The following ZNF804B variants were observed in gnomAD, a reference collection of about 807,000 sequenced individuals.
The protein encoded by ZNF804B is zinc finger protein 804B, also known as zinc finger 804B.
ZNF804B carries 80 observed loss-of-function variants against 101.4 expected under a neutral mutation model. The observed-to-expected ratio is 0.79, with a 90% CI of 0.66 to 0.95. ZNF804B has a LOEUF of 0.95. ZNF804B is among the 40% of genes least tolerant of loss of function. The pLI, the probability that ZNF804B is intolerant of heterozygous loss-of-function variation, is 0.00. For synonymous variants in ZNF804B, 622 were observed against 558.8 expected (o/e 1.11, Z -1.59); for missense variants, 1,673 against 1,561.9 (o/e 1.07, Z -1.20).
At chr7:89,293,809 A>G (rs955250280) in intron 2 of ZNF804B, among the ~76,000 whole-genome samples, 2 of 152,142 alleles carry the variant, frequency 1.3e-5, no homozygotes, top group African/African-American at 4.8e-5. Context: ...AAAAAAAAAA[A>G]GAATGCAGAA....
intron 1 of ZNF804B, among the ~76,000 whole-genome samples, chr7:89,109,651 A>G (rs925341706): frequency 3.9e-5 from 6 of 152,226 alleles, no homozygotes; most frequent in Middle Eastern, 3.4e-3. Context: ...TCTTCATCAC[A>G]TTGTTCTTTC....
chr7:89,143,062 G>C (rs1790740569), intron 1 of ZNF804B, among the ~76,000 whole-genome samples: 1 of 151,948 alleles, frequency 6.6e-6, no homozygotes, highest in African/African-American at 2.4e-5. Context: ...TTTGGGCTAT[G>C]TGTGAGTGAC....
intron 1 of ZNF804B, among the ~76,000 whole-genome samples, chr7:88,845,036 T>G (rs1791348140): frequency 6.6e-6 from 1 of 152,196 alleles, no homozygotes; most frequent in Admixed American, 6.5e-5. Context: ...AGTTTCCTCC[T>G]TCTTTCCAAT....
intron 2 of ZNF804B, among the ~76,000 whole-genome samples, chr7:89,281,868 A>G (rs1471556512): frequency 6.6e-6 from 1 of 152,164 alleles, no homozygotes; most frequent in East Asian, 1.9e-4. Flanking sequence ...TAATCCACTC[A>G]GACAGAGTCC....
chr7:89,042,347 C>A (rs1255873995), intron 1 of ZNF804B, among the ~76,000 whole-genome samples: 1 of 152,036 alleles, frequency 6.6e-6, no homozygotes, highest in Non-Finnish European at 1.5e-5. Flanking sequence ...ATGAAAGAAA[C>A]CAGTTTGAGG....
In ZNF804B at chr7:89,072,471, A is replaced by T. The variant is rs1196455478; in HGVS notation, c.109-145684A>T. On this transcript the variant is annotated intron_variant, in intron 1 of 3. Coordinates refer to ENST00000333190, the MANE Select transcript of ZNF804B (RefSeq NM_181646.5). ...ACTATTCTTTGAATAACTCTTAAACATTTGGATATCTGATATAGTATGAAC... is the reference window on the plus strand; with the variant it reads ...ACTATTCTTTGAATAACTCTTAAACTTTTGGATATCTGATATAGTATGAAC... Among the ~76,000 whole-genome samples the T allele has an allele frequency of 4.6e-5, 7 of 152,292 alleles. No homozygotes were observed. In the East Asian group the frequency reaches 1.2e-3, roughly 25 times the overall value.
In ZNF804B at chr7:89,049,152, C is replaced by T. The variant is rs148801848; in HGVS notation, c.109-169003C>T. 1.3e-3 allele frequency among the ~76,000 whole-genome samples: 196 copies of T among 150,346 alleles called. 6 individuals are homozygous for T. The highest frequency in any genetic ancestry group is 4.7e-3 in the African/African-American group (189 of 39,794). Reference sequence around the variant, plus strand: ...CACTTAATAATTATGTACCTTCATGCTGAGACTCCTTGACTTACCATATGT... The same window carrying T: ...CACTTAATAATTATGTACCTTCATGTTGAGACTCCTTGACTTACCATATGT... On this transcript the variant is annotated intron_variant, in intron 1 of 3. Transcript: ENST00000333190.
chr7:89,076,375 T>A (rs116622577), intron 1 of ZNF804B, among the ~76,000 whole-genome samples: 117 of 152,192 alleles, frequency 7.7e-4, no homozygotes, highest in African/African-American at 2.7e-3. Context: ...AAGGGTAGTT[T>A]CCCTACACAA....
At chr7:89,161,214 A>G (rs533325892) in intron 1 of ZNF804B, among the ~76,000 whole-genome samples, 12 of 152,160 alleles carry the variant, frequency 7.9e-5, no homozygotes, top group African/African-American at 2.9e-4. Context: ...TTAGTAGCAC[A>G]TTATGATTTC....
At position 88,965,301 on chromosome 7, in the gene ZNF804B, CTT is replaced by C. The variant is rs369397798; in HGVS notation, c.108+205220_108+205221del. 3.0e-3 allele frequency among the ~76,000 whole-genome samples: 458 copies of C among 151,414 alleles called. 3 individuals carry two copies. The highest frequency in any genetic ancestry group is 0.01 in the African/African-American group (433 of 41,430). ...AGAGAATAGGTTAAAGAGATTCTCTCTTTTGTTTCTCTCTTTGTTTTGGAAGC... is the reference window on the plus strand; with the variant it reads ...AGAGAATAGGTTAAAGAGATTCTCTCTTGTTTCTCTCTTTGTTTTGGAAGC... On this transcript the variant is annotated intron_variant, in intron 1 of 3. Transcript: ENST00000333190.
intron 1 of ZNF804B, among the ~76,000 whole-genome samples, chr7:89,052,139 T>A (rs1240872026): frequency 6.6e-6 from 1 of 152,096 alleles, no homozygotes; most frequent in Non-Finnish European, 1.5e-5. Context: ...ACTTTATTTT[T>A]TATTTTTTAT....
At chr7:89,308,944 T>C (rs1790608685) in intron 2 of ZNF804B, among the ~76,000 whole-genome samples, 1 of 152,222 alleles carries the variant, frequency 6.6e-6, no homozygotes, top group African/African-American at 2.4e-5. Context: ...AAGAAGAAAC[T>C]AATCCTAAAA....
At chr7:89,220,024 T>TATATACGCACATATATGTGTGTATATAC (rs1562920253) in intron 2 of ZNF804B, among the ~76,000 whole-genome samples, 3 of 113,506 alleles carry the variant, frequency 2.6e-5, no homozygotes, top group African/African-American at 1.0e-4. Flanking sequence ...TGTGTATACA[T>TATATACGCACATATATGTGTGTATATAC]ATATATACGC....
intron 2 of ZNF804B, among the ~76,000 whole-genome samples, chr7:89,238,347 C>G (rs1789315470): frequency 6.6e-6 from 1 of 152,110 alleles, no homozygotes; most frequent in South Asian, 2.1e-4. Context: ...ATTCATGAAA[C>G]TACTAGTTTT....
intron 1 of ZNF804B, among the ~76,000 whole-genome samples, chr7:88,802,883 C>T (rs796370803): frequency 1.1e-4 from 17 of 152,208 alleles, no homozygotes; most frequent in African/African-American, 4.1e-4. Context: ...GTGGATTTTG[C>T]AATTGCCAGT....
At chr7:88,803,438 T>C (rs968956270) in intron 1 of ZNF804B, among the ~76,000 whole-genome samples, 1 of 152,258 alleles carries the variant, frequency 6.6e-6, no homozygotes, top group East Asian at 1.9e-4. Context: ...TGCATACTAC[T>C]GAGTAAAAGG....
chr7:88,820,609 AG>A (rs1790962634), intron 1 of ZNF804B, among the ~76,000 whole-genome samples: 1 of 152,278 alleles, frequency 6.6e-6, no homozygotes. Flanking sequence ...AGCATGGTGA[AG>A]GGAAAAGTGA....
intron 1 of ZNF804B, among the ~76,000 whole-genome samples, chr7:88,848,966 C>G (rs747839785): frequency 2.4e-4 from 37 of 151,946 alleles, no homozygotes; most frequent in Admixed American, 6.6e-5. Flanking sequence ...GTTTTTCCAG[C>G]CGTGTGTTAG....
At chr7:89,186,373 A>C (rs1224975195) in intron 1 of ZNF804B, among the ~76,000 whole-genome samples, 1 of 152,112 alleles carries the variant, frequency 6.6e-6, no homozygotes, top group African/African-American at 2.4e-5. Context: ...GTGAATAAGA[A>C]GATATAACAC....
Sources: gnomAD v4.1 joint callset for allele counts (sites outside exome capture counted in the v4.1 genomes callset) on GRCh38, gnomAD v4.1.1 for gene constraint, MANE v1.5 for transcripts, NCBI Gene and HGNC (gene_info 2026-07-23, HGNC 2026-07-21) for gene names.